Variants in ZEB1 observed in about 807,000 individuals in gnomAD.
ZEB1 encodes zinc finger E-box-binding homeobox 1.
ZEB1 carries 21 observed loss-of-function variants against 84.9 expected under a neutral mutation model. That is an observed-to-expected ratio of 0.25 (90% confidence interval 0.18 to 0.36). ZEB1 has a LOEUF of 0.36. Ranked by LOEUF, ZEB1 falls within the 10% of genes least tolerant of loss-of-function variation. The pLI is 1.00. For synonymous variants in ZEB1, 420 were observed against 471.1 expected (o/e 0.89, Z 1.41); for missense variants, 1,104 against 1,330.2 (o/e 0.83, Z 2.65).
chr10:31,493,410 T>C (rs1009822434), intron 2 of ZEB1, among the ~76,000 whole-genome samples: 5 of 152,024 alleles, frequency 3.3e-5, no homozygotes, highest in Non-Finnish European at 7.4e-5. Context: ...CTCACTTACA[T>C]ATTTGCTTTA....
chr10:31,452,513 C>G (rs1396857603), intron 1 of ZEB1, among the ~76,000 whole-genome samples: 1 of 151,956 alleles, frequency 6.6e-6, no homozygotes, highest in Non-Finnish European at 1.5e-5. Context: ...ATTTTGTGTA[C>G]CTGTTTGCCT....
At chr10:31,348,993 G>A (rs577895105) in intron 1 of ZEB1, among the ~76,000 whole-genome samples, 1 of 152,152 alleles carries the variant, frequency 6.6e-6, no homozygotes, top group East Asian at 1.9e-4. Flanking sequence ...TTAACTGTAG[G>A]CCTATGATTT....
intron 1 of ZEB1, among the ~76,000 whole-genome samples, chr10:31,347,491 TGA>T (rs1279263868): frequency 1.3e-5 from 2 of 152,202 alleles, no homozygotes; most frequent in African/African-American, 2.4e-5. Flanking sequence ...ACTACAGGCA[TGA>T]GCCACCATGC....
intron 4 of ZEB1, among the ~76,000 whole-genome samples, chr10:31,503,251 G>A (rs898051374): frequency 1.3e-5 from 2 of 151,996 alleles, no homozygotes; most frequent in African/African-American, 4.8e-5. Context: ...CATACAGTAC[G>A]ATCTAAAAAT....
At chr10:31,495,903 C>T (rs149699119) in intron 3 of ZEB1, 65 bp downstream of exon 3, 45 of 1,560,282 alleles carry the variant, frequency 2.9e-5, no homozygotes, top group East Asian at 9.0e-5. Context: ...TCACTGATTT[C>T]GCATTTGTGA....
intron 1 of ZEB1, among the ~76,000 whole-genome samples, chr10:31,446,632 C>G (rs946381306): frequency 2.0e-5 from 3 of 152,042 alleles, no homozygotes; most frequent in African/African-American, 7.3e-5. Flanking sequence ...TCGTTGGTTT[C>G]AAAGAATATC....
chr10:31,439,189 G>T (rs1478282978), intron 1 of ZEB1, among the ~76,000 whole-genome samples: 1 of 152,076 alleles, frequency 6.6e-6, no homozygotes, highest in East Asian at 1.9e-4. Context: ...GTATTTTCTG[G>T]AAGGATGGAA....
At chr10:31,515,055 C>T (rs192381006) in intron 6 of ZEB1, among the ~76,000 whole-genome samples, 7 of 151,986 alleles carry the variant, frequency 4.6e-5, no homozygotes, top group South Asian at 2.1e-4. Flanking sequence ...TATAGAGATA[C>T]GATTTGCACA....
intron 1 of ZEB1, among the ~76,000 whole-genome samples, chr10:31,449,737 C>G (rs958004728): frequency 2.4e-4 from 37 of 152,074 alleles, no homozygotes; most frequent in African/African-American, 8.5e-4. Flanking sequence ...AGTTTATGTT[C>G]TCCTACCACC....
chr10:31,516,965 A>G (rs1324239994), intron 6 of ZEB1, among the ~76,000 whole-genome samples: 6 of 152,074 alleles, frequency 3.9e-5, no homozygotes. Flanking sequence ...AAGTACAGAA[A>G]TTGAGAGTAA....
intron 1 of ZEB1, chr10:31,387,232 T>C: frequency 1.0e-6 from 1 of 985,816 alleles, no homozygotes; most frequent in Non-Finnish European, 1.2e-6. Context: ...TGTGAGAACT[T>C]GATCAGTTTG....
intron 1 of ZEB1, chr10:31,321,351 T>A (rs2033992835): frequency 6.7e-7 from 1 of 1,487,632 alleles, no homozygotes. Flanking sequence ...AACACTTGCA[T>A]TTTAAAGACG....
At chr10:31,406,106 A>G (rs161239) in intron 1 of ZEB1, among the ~76,000 whole-genome samples, 19,272 of 152,044 alleles carry the variant, frequency 0.13, 2,454 homozygotes, top group African/African-American at 0.33. Context: ...TGGACATTTG[A>G]ATTGGTTCCA....
intron 2 of ZEB1, among the ~76,000 whole-genome samples, chr10:31,466,100 C>T (rs893158986): frequency 1.3e-5 from 2 of 152,056 alleles, no homozygotes; most frequent in Non-Finnish European, 2.9e-5. Context: ...ATATATTTGC[C>T]ACCAATTTTG....
At chr10:31,430,250 G>A (rs895554872) in intron 1 of ZEB1, among the ~76,000 whole-genome samples, 1 of 152,160 alleles carries the variant, frequency 6.6e-6, no homozygotes, top group Non-Finnish European at 1.5e-5. Flanking sequence ...GGTAAACTGT[G>A]TGTGTTTGTG....
intron 1 of ZEB1, among the ~76,000 whole-genome samples, chr10:31,410,212 G>T (rs1254875110): frequency 6.6e-6 from 1 of 152,138 alleles, no homozygotes. Context: ...AGAGTTTTTG[G>T]CATGAACGGG....
chr10:31,318,924 T>C, upstream of ZEB1: 1 of 448,636 alleles, frequency 2.2e-6, no homozygotes, highest in Non-Finnish European at 4.2e-6. Context: ...CCGTCGCCTT[T>C]CTGACCGCGT....
At chr10:31,430,125 GATTTTGAAATATAA>G (rs1330077529) in intron 1 of ZEB1, among the ~76,000 whole-genome samples, 1 of 152,158 alleles carries the variant, frequency 6.6e-6, no homozygotes, top group East Asian at 1.9e-4. Context: ...AATTGCATAT[GATTTTGAAATATAA>G]ATCTTTTGAA....
At chr10:31,393,841 C>A (rs1170597037) in intron 1 of ZEB1, among the ~76,000 whole-genome samples, 2 of 152,138 alleles carry the variant, frequency 1.3e-5, no homozygotes, top group Non-Finnish European at 2.9e-5. Context: ...TAATGTTTAA[C>A]TTTTATTTCC....
Sources: gnomAD v4.1 joint callset for allele counts (sites outside exome capture counted in the v4.1 genomes callset) on GRCh38, gnomAD v4.1.1 for gene constraint, MANE v1.5 for transcripts, NCBI Gene and HGNC (gene_info 2026-07-23, HGNC 2026-07-21) for gene names.